The following INSIG2 variants were observed in gnomAD, a reference collection of about 807,000 sequenced individuals.
The protein encoded by INSIG2 is insulin induced gene 2, also known as insulin-induced gene 2 protein.
A neutral mutation model predicts 27.2 loss-of-function variants in INSIG2; 10 were observed. The ratio of observed to expected loss-of-function variants is 0.37; its 90% CI spans 0.23 to 0.62. The LOEUF (loss-of-function observed/expected upper bound fraction) is 0.62. Ranked by LOEUF, INSIG2 falls within the 20% of genes least tolerant of loss-of-function variation. The pLI is 0.65. For synonymous variants in INSIG2, 97 were observed against 95.8 expected (o/e 1.01, Z -0.07); for missense variants, 178 against 270.2 (o/e 0.66, Z 2.39).
rs192841610 is a variant in INSIG2 at position 118,106,376 on chromosome 2, A to G, written c.370-361A>G. ...TGCAAAAGTGTGTTCCTTTAGTGAT[A>G]CTTGTGTTCTGAGGCTTCCAGTTAC... On this transcript the variant is annotated intron_variant, in intron 3 of 5. Coordinates refer to ENST00000245787, the MANE Select transcript of INSIG2 (RefSeq NM_016133.4). Among the ~76,000 whole-genome samples, 75 of 152,342 alleles carry G rather than the reference A, an allele frequency of 4.9e-4. 1 individual carries two copies. Among genetic ancestry groups the G allele is most frequent in the Non-Finnish European group, 1.3e-4 (9 of 68,022 alleles).
rs1354658122 is a variant in INSIG2, at chr2:118,094,102, GAT to G, written c.-138-2316_-138-2315del. On this transcript the variant is annotated intron_variant, in intron 1 of 5. Transcript: ENST00000245787. ...CTGAAAGCAACCAGATGATGATGAT[GAT>G]GAGGAGGAGGAGGAGGAGGAGGAGA... 2.4e-4 allele frequency among the ~76,000 whole-genome samples: 13 copies of G among 55,080 alleles called. 1 individual carries two copies. The highest frequency in any genetic ancestry group is 1.3e-3 in the South Asian group (2 of 1,580). The allele number at this position is 55,080 out of a possible 152,430, so 36.1% of individuals were successfully genotyped here.
intron 1 of INSIG2, among the ~76,000 whole-genome samples, chr2:118,093,198 C>T (rs371792169): frequency 5.7e-4 from 20 of 35,040 alleles, no homozygotes; most frequent in African/African-American, 2.9e-3. Context: ...TGAACCTTGC[C>T]AAAAGCAACC....
chr2:118,096,943 T>C (rs1173102101), intron 2 of INSIG2, 143 bp downstream of exon 2: 5 of 891,986 alleles, frequency 5.6e-6, no homozygotes, highest in Admixed American at 3.0e-5. Flanking sequence ...CCCGTTTGAA[T>C]TGAACAACTT....
Position 118,096,490 on chromosome 2 carries a change from T to C in INSIG2, c.-67T>C, listed in dbSNP as rs1678406259. On this transcript the variant is annotated 5_prime_UTR_variant, in exon 2 of 6. Coordinates refer to ENST00000245787, the MANE Select transcript of INSIG2 (RefSeq NM_016133.4). ...GCGTCAGTCTTTGATTCACAGACAG[T>C]TGAGCTTTTCAGCTGGGAAGCCTTT... 1.3e-6 allele frequency: 2 copies of C among 1,510,648 alleles called. No homozygotes were observed. The highest frequency in any genetic ancestry group is 2.8e-5 in the African/African-American group (2 of 71,572). The allele number at this position is 1,510,648 out of a possible 1,614,324, so 93.6% of individuals were successfully genotyped here.
chr2:118,108,424 G>A lies in INSIG2; in HGVS notation c.*102G>A. 1.2e-6 allele frequency: 1 copy of A among 827,966 alleles called. No homozygotes were observed. Among genetic ancestry groups the A allele is most frequent in the South Asian group, 1.5e-5 (1 of 65,930 alleles). The allele number at this position is 827,966 out of a possible 1,614,324, so 51.3% of individuals were successfully genotyped here. On this transcript the variant is annotated 3_prime_UTR_variant, in exon 6 of 6. Coordinates refer to ENST00000245787, the MANE Select transcript of INSIG2 (RefSeq NM_016133.4). The stretch of plus-strand genomic sequence containing the variant: ...CAGACTGTAAAATTGCCAGGATGCA[G>A]TTTTCCCCTTGATTGGCGTGTGTGT...
intron 3 of INSIG2, among the ~76,000 whole-genome samples, chr2:118,106,469 G>A (rs1422948606): frequency 6.6e-6 from 1 of 152,150 alleles, no homozygotes; most frequent in East Asian, 1.9e-4. Flanking sequence ...TATGTAGACT[G>A]TTCTTTTTGT....
At chr2:118,105,878 T>C (rs950755335) in intron 3 of INSIG2, among the ~76,000 whole-genome samples, 24 of 152,184 alleles carry the variant, frequency 1.6e-4, no homozygotes, top group African/African-American at 5.8e-4. Flanking sequence ...ACATAGATAA[T>C]GCCCTTTTAA....
chr2:118,106,547 T>G, intron 3 of INSIG2, 190 bp from the exon 4 acceptor site: 2 of 521,284 alleles, frequency 3.8e-6, no homozygotes, highest in Non-Finnish European at 6.7e-6. Flanking sequence ...CTTTTGTGTA[T>G]CTGGTATTGG....
At chr2:118,092,203 A>AT (rs1263150436) in intron 1 of INSIG2, among the ~76,000 whole-genome samples, 10 of 152,246 alleles carry the variant, frequency 6.6e-5, no homozygotes, top group African/African-American at 2.4e-4. Flanking sequence ...TACTCAAAGT[A>AT]TGCCCATCTT....
chr2:118,095,027 A>G (rs1678374496), intron 1 of INSIG2, among the ~76,000 whole-genome samples: 1 of 152,236 alleles, frequency 6.6e-6, no homozygotes, highest in Non-Finnish European at 1.5e-5. Flanking sequence ...CTAAGCAGGA[A>G]CTTTTCTGGG....
intron 1 of INSIG2, among the ~76,000 whole-genome samples, chr2:118,095,863 T>C (rs1222709164): frequency 6.6e-6 from 1 of 152,104 alleles, no homozygotes. Context: ...GGTGGTCTGG[T>C]TTTGTAGAAT....
intron 2 of INSIG2, among the ~76,000 whole-genome samples, chr2:118,099,808 T>TA (rs1426982116): frequency 1.3e-5 from 2 of 152,250 alleles, no homozygotes; most frequent in Non-Finnish European, 2.9e-5. Flanking sequence ...TTCCAAGTCT[T>TA]ACATCTTTCC....
chr2:118,096,995 A>G (rs779445142), intron 2 of INSIG2, among the ~76,000 whole-genome samples, 195 bp downstream of exon 2: 16 of 152,248 alleles, frequency 1.1e-4, no homozygotes, highest in Non-Finnish European at 1.9e-4. Flanking sequence ...GACCACTGCC[A>G]ATCCAGCTGT....
At chr2:118,095,021 G>A (rs898565678) in intron 1 of INSIG2, among the ~76,000 whole-genome samples, 7 of 152,210 alleles carry the variant, frequency 4.6e-5, no homozygotes, top group Non-Finnish European at 1.0e-4. Context: ...TGTGGGCTAA[G>A]CAGGAACTTT....
At chr2:118,104,166 A>T (rs1392831125) in intron 3 of INSIG2, among the ~76,000 whole-genome samples, 1 of 152,158 alleles carries the variant, frequency 6.6e-6, no homozygotes, top group African/African-American at 2.4e-5. Context: ...GAAAAGCAAG[A>T]AGTGTGACTC....
Position 118,110,410 on chromosome 2 carries a change from A to G in INSIG2, c.*2088A>G, listed in dbSNP as rs572245343. On this transcript the variant is annotated 3_prime_UTR_variant, in exon 6 of 6. Transcript: ENST00000245787. ...TGGACCATCCTAAAAGTCTTCACTC[A>G]TGCTATCTTCATGCTGAGTAGTAGG... 1.3e-5 allele frequency: 2 copies of G among 151,186 alleles called. No homozygotes were observed. Among genetic ancestry groups the G allele is most frequent in the African/African-American group, 4.9e-5 (2 of 41,058 alleles). 9.4% of individuals were successfully genotyped at this position (151,186 alleles called of 1,614,324 possible).
chr2:118,103,614 T>G (rs1678603893), intron 3 of INSIG2, among the ~76,000 whole-genome samples: 1 of 152,220 alleles, frequency 6.6e-6, no homozygotes, highest in Non-Finnish European at 1.5e-5. Context: ...GTGTAGTTAA[T>G]CCAAAAATGG....
chr2:118,089,334 T>G (rs1301230545), intron 1 of INSIG2, among the ~76,000 whole-genome samples: 1 of 152,154 alleles, frequency 6.6e-6, no homozygotes, highest in Non-Finnish European at 1.5e-5. Context: ...TTTGTAGGAT[T>G]GATGAAGAAA....
intron 1 of INSIG2, among the ~76,000 whole-genome samples, chr2:118,094,179 TGAGGAG>T (rs1303495471): frequency 8.3e-6 from 1 of 121,138 alleles, no homozygotes; most frequent in Admixed American, 8.4e-5. Context: ...ATGATGATGA[TGAGGAG>T]GAGGAGGAGG....
Sources: gnomAD v4.1 joint callset for allele counts (sites outside exome capture counted in the v4.1 genomes callset) on GRCh38, gnomAD v4.1.1 for gene constraint, MANE v1.5 for transcripts, NCBI Gene and HGNC (gene_info 2026-07-23, HGNC 2026-07-21) for gene names.